Variants in HECW1 observed in about 807,000 individuals in gnomAD.
HECW1 encodes the protein E3 ubiquitin-protein ligase HECW1.
A neutral mutation model predicts 182.3 loss-of-function variants in HECW1; 61 were observed. The ratio of observed to expected loss-of-function variants is 0.33; its 90% CI spans 0.27 to 0.41. HECW1 has a LOEUF of 0.41. Among genes scored for constraint, HECW1 ranks in the 10% least tolerant of loss-of-function variants. The pLI, the probability that HECW1 is intolerant of heterozygous loss-of-function variation, is 1.00. For synonymous variants in HECW1, 859 were observed against 832.6 expected (o/e 1.03, Z -0.55); for missense variants, 1,739 against 2,108.9 (o/e 0.82, Z 3.44).
chr7:43,475,097 G>T (rs1168298303), intron 16 of HECW1, among the ~76,000 whole-genome samples: 1 of 152,166 alleles, frequency 6.6e-6, no homozygotes, highest in Non-Finnish European at 1.5e-5. Context: ...TATACTTAAT[G>T]CCACTGAACT....
rs916221926 is a variant in HECW1 at position 43,563,378 on chromosome 7, G to A, written c.*1452G>A. 4.9e-6 allele frequency: 1 copy of A among 203,720 alleles called. No individual in the cohort carries two copies. The highest frequency in any genetic ancestry group is 2.3e-5 in the African/African-American group (1 of 43,594). 12.6% of individuals were successfully genotyped at this position (203,720 alleles called of 1,614,324 possible). A position where few individuals can be genotyped will look rare whatever the true frequency, so the allele number is the denominator to read the frequency against. ...TCTAACGTTGTTATCCATGTTGCCT[G>A]AAATAGGTCATAAATGAAAGTGTTT... On this transcript the variant is annotated 3_prime_UTR_variant, in exon 30 of 30. Transcript: ENST00000395891.
In HECW1 at chr7:43,131,046, A is replaced by G. The variant is rs7785861; in HGVS notation, c.-32+16655A>G. On this transcript the variant is annotated intron_variant, in intron 2 of 29. Coordinates refer to ENST00000395891, the MANE Select transcript of HECW1 (RefSeq NM_015052.5). ...TTTGGGAGGCCAAGGCGGGTGAATC[A>G]CTGGAGGTCAGGAGTTCAAGACCAG... Among the ~76,000 whole-genome samples, 140 of 152,148 alleles carry G rather than the reference A, an allele frequency of 9.2e-4. 4 individuals are homozygous for G. The South Asian group carries it at 0.028, about 31-fold the overall frequency.
intron 8 of HECW1, among the ~76,000 whole-genome samples, chr7:43,416,056 G>C (rs1409385788): frequency 1.3e-5 from 2 of 151,832 alleles, no homozygotes; most frequent in South Asian, 4.2e-4. Flanking sequence ...ATCCAGCTTT[G>C]TTCCGTTGCT....
intron 3 of HECW1, among the ~76,000 whole-genome samples, chr7:43,246,489 C>T (rs538028590): frequency 1.6e-4 from 25 of 152,258 alleles, no homozygotes; most frequent in South Asian, 8.3e-4. Context: ...TAGCTCTGCA[C>T]GTGAAGCCTG....
In HECW1 at chr7:43,541,865, C is replaced by G; in HGVS notation, c.4119-4C>G. The stretch of plus-strand genomic sequence containing the variant: ...AATTTGCCTTTCTCACTGAATTCAC[C>G]CAGGCCCTGTGATTTGAGTGACCTG... On this transcript the variant is annotated splice_region_variant and splice_polypyrimidine_tract_variant and intron_variant, in intron 25 of 29. Coordinates refer to ENST00000395891, the MANE Select transcript of HECW1 (RefSeq NM_015052.5). 1 of 1,501,182 alleles carries G rather than the reference C, an allele frequency of 6.7e-7. No individual in the cohort carries two copies. The highest frequency in any genetic ancestry group is 1.4e-5 in the South Asian group (1 of 69,840). The allele number at this position is 1,501,182 out of a possible 1,614,324, so 93.0% of individuals were successfully genotyped here.
At chr7:43,519,335 T>C (rs1390333219) in intron 24 of HECW1, among the ~76,000 whole-genome samples, 1 of 152,076 alleles carries the variant, frequency 6.6e-6, no homozygotes. Context: ...AACCTCCACC[T>C]TCCTGGTTCA....
chr7:43,378,018 CAT>C (rs1185186959), intron 6 of HECW1: 14 of 177,198 alleles, frequency 7.9e-5, no homozygotes, highest in Admixed American at 7.0e-4. Flanking sequence ...TACATTTACA[CAT>C]AGTCACTAAT....
At chr7:43,364,901 A>G (rs1816425721) in intron 6 of HECW1, among the ~76,000 whole-genome samples, 1 of 152,200 alleles carries the variant, frequency 6.6e-6, no homozygotes, top group Admixed American at 6.5e-5. Context: ...TTACCATTAC[A>G]GTCTTCTTAA....
intron 3 of HECW1, among the ~76,000 whole-genome samples, chr7:43,282,608 T>C (rs1804062540): frequency 6.6e-6 from 1 of 152,130 alleles, no homozygotes; most frequent in Admixed American, 6.6e-5. Context: ...TAAATAGATA[T>C]CATTAAATAT....
chr7:43,542,070 T>C, intron 26 of HECW1, 72 bp downstream of exon 26: 1 of 1,277,280 alleles, frequency 7.8e-7, no homozygotes. Flanking sequence ...CATAAAGTTA[T>C]CATCTTAATC....
intron 16 of HECW1, among the ~76,000 whole-genome samples, chr7:43,471,037 T>C (rs1487128657): frequency 6.6e-6 from 1 of 152,226 alleles, no homozygotes; most frequent in African/African-American, 2.4e-5. Context: ...GTTGCCTTCA[T>C]GATTTTACAA....
chr7:43,478,418 C>T lies in HECW1; in HGVS notation c.3100-1192C>T, dbSNP rs1053329160. 1.3e-4 allele frequency among the ~76,000 whole-genome samples: 20 copies of T among 151,110 alleles called. No homozygotes were observed. In the South Asian group the frequency reaches 2.3e-3, roughly 17 times the overall value. On this transcript the variant is annotated intron_variant, in intron 16 of 29. Transcript: ENST00000395891. ...GTGACAGGCAATGAGAGTGAAACTC[C>T]GTCTCAAAAAAAAAGTGTTCATTGA...
At chr7:43,292,991 A>G (rs1403086136) in intron 3 of HECW1, among the ~76,000 whole-genome samples, 1 of 152,162 alleles carries the variant, frequency 6.6e-6, no homozygotes, top group Non-Finnish European at 1.5e-5. Flanking sequence ...TTGGGAGGCC[A>G]AGGCGGGTGG....
At chr7:43,224,842 C>T (rs894327493) in intron 2 of HECW1, among the ~76,000 whole-genome samples, 8 of 152,136 alleles carry the variant, frequency 5.3e-5, no homozygotes, top group East Asian at 1.9e-4. Flanking sequence ...AAAGGACCCA[C>T]GTAGGAAGTG....
At position 43,541,866 on chromosome 7, in the gene HECW1, C is replaced by A; in HGVS notation, c.4119-3C>A. 1.3e-6 allele frequency: 2 copies of A among 1,503,624 alleles called. No individual in the cohort carries two copies. The highest frequency in any genetic ancestry group is 2.8e-5 in the South Asian group (2 of 70,358). The allele number at this position is 1,503,624 out of a possible 1,614,324, so 93.1% of individuals were successfully genotyped here. On this transcript the variant is annotated splice_region_variant and splice_polypyrimidine_tract_variant and intron_variant, in intron 25 of 29. Transcript: ENST00000395891. ...ATTTGCCTTTCTCACTGAATTCACC[C>A]AGGCCCTGTGATTTGAGTGACCTGG... is the stretch of plus-strand genomic sequence containing the variant.
intron 2 of HECW1, among the ~76,000 whole-genome samples, chr7:43,178,073 G>A (rs183205394): frequency 2.4e-3 from 361 of 152,274 alleles, no homozygotes; most frequent in African/African-American, 8.3e-3. Flanking sequence ...GCAGTGGCAT[G>A]ATCTTGACTC....
In HECW1 at chr7:43,444,752, C is replaced by T; in HGVS notation, c.1580C>T (p.Ser527Leu). ...QGEGRLQLRA[S>L]VKRKSRPCSL... ...GAGGGCAGGCTGCAGCTGCGGGCCT[C>T]GGTGAAGAGAAAAAGCAGGCCCTGC... Residue 527 changes from serine (S) to leucine (L), a missense_variant, in exon 11 of 30, where the codon TCG becomes TTG. Around this residue, in one of 5 missense-constraint regions of HECW1, gnomAD observed 971 missense variants for 1,029.1 expected, o/e 0.94. Coordinates refer to ENST00000395891, the MANE Select transcript of HECW1 (RefSeq NM_015052.5). This position sits in a 1 kb window ranked among gnomAD's most constrained non-coding sequence, Gnocchi z 4.3. The T allele has an allele frequency of 6.2e-7, 1 of 1,613,862 alleles. No homozygotes were observed.
chr7:43,401,976 G>A (rs539545819), intron 7 of HECW1, among the ~76,000 whole-genome samples: 2 of 152,110 alleles, frequency 1.3e-5, no homozygotes, highest in African/African-American at 2.4e-5. Flanking sequence ...AGGAGCATCC[G>A]AATGTTGAGA....
At chr7:43,318,399 T>A (rs1449438844) in intron 4 of HECW1, among the ~76,000 whole-genome samples, 1 of 152,228 alleles carries the variant, frequency 6.6e-6, no homozygotes, top group African/African-American at 2.4e-5. Context: ...GAGCACACAC[T>A]GTGAATAAAA....
Sources: gnomAD v4.1 joint callset for allele counts (sites outside exome capture counted in the v4.1 genomes callset) on GRCh38, gnomAD v4.1.1 for gene constraint, gnomAD v4.1.1 regional missense constraint, Gnocchi (gnomAD v3.1) non-coding constraint, MANE v1.5 for transcripts, NCBI Gene and HGNC (gene_info 2026-07-23, HGNC 2026-07-21) for gene names.